The following TENM3 variants were observed in gnomAD, a reference collection of about 807,000 sequenced individuals.
TENM3 encodes the protein teneurin transmembrane protein 3.
TENM3 carries 63 observed loss-of-function variants against 255.1 expected under a neutral mutation model. The ratio of observed to expected loss-of-function variants is 0.25; its 90% CI spans 0.20 to 0.30. The LOEUF is 0.30. TENM3 is among the 10% of genes least tolerant of loss of function. The pLI is 1.00. For synonymous variants in TENM3, 1,306 were observed against 1,322.3 expected, an observed-to-expected ratio of 0.99 and a Z score of 0.27; for missense variants, 2,929 against 3,461.1, an observed-to-expected ratio of 0.85 and a Z score of 3.86.
At chr4:182,718,176 T>TA (rs565679903) in intron 13 of TENM3, among the ~76,000 whole-genome samples, 6,246 of 148,118 alleles carry the variant, frequency 0.042, 197 homozygotes, top group Non-Finnish European at 0.065. Context: ...TTATTACACG[T>TA]AAAAAAAAAA....
chr4:182,692,577 G>A (rs1388348253), intron 12 of TENM3, among the ~76,000 whole-genome samples: 3 of 152,204 alleles, frequency 2.0e-5, no homozygotes, highest in Non-Finnish European at 4.4e-5. Flanking sequence ...AGACAGGCAA[G>A]TTGTCTTCTG....
the TENM3 span, among the ~76,000 whole-genome samples, chr4:181,592,253 A>G: frequency 3.4e-5 from 5 of 148,864 alleles, no homozygotes; most frequent in Non-Finnish European, 7.5e-5. Context: ...CTGTTTAAAC[A>G]CAAACACACA....
intron 6 of TENM3, among the ~76,000 whole-genome samples, chr4:182,668,679 G>T (rs1044922030): frequency 1.3e-5 from 2 of 152,102 alleles, no homozygotes; most frequent in African/African-American, 4.8e-5. Context: ...GCGACACAAC[G>T]ATGTATTCAC....
intron 3 of TENM3, among the ~76,000 whole-genome samples, chr4:182,373,356 TA>T (rs1766972033): frequency 6.6e-6 from 1 of 152,268 alleles, no homozygotes; most frequent in Non-Finnish European, 1.5e-5. Flanking sequence ...TGAGGCTGGG[TA>T]ATTTATAACG....
the TENM3 span, among the ~76,000 whole-genome samples, chr4:181,706,308 C>T: frequency 6.6e-6 from 1 of 152,136 alleles, no homozygotes; most frequent in Non-Finnish European, 1.5e-5. Context: ...GCCTCCAAAT[C>T]TCCAAATCCC....
In TENM3 at chr4:182,784,638, C is replaced by T. The variant is rs1234555583; in HGVS notation, c.5305-4455C>T. Reference sequence around the variant, plus strand: ...CTAAGCAAGCCTGGGCAATGGCGGGCGCCCCTCCCCAAGCCTCGCTGCCGC... The same window carrying T: ...CTAAGCAAGCCTGGGCAATGGCGGGTGCCCCTCCCCAAGCCTCGCTGCCGC... On this transcript the variant is annotated intron_variant, in intron 24 of 27. Coordinates refer to ENST00000511685, the MANE Select transcript of TENM3 (RefSeq NM_001080477.4). 2.2e-4 allele frequency among the ~76,000 whole-genome samples: 33 copies of T among 151,046 alleles called. No individual in the cohort carries two copies. In the East Asian group the frequency reaches 3.9e-3, roughly 18 times the overall value.
At chr4:182,661,192 ATTTTTTTTTT>A (rs35208231) in intron 6 of TENM3, among the ~76,000 whole-genome samples, 1 of 88,600 alleles carries the variant, frequency 1.1e-5, no homozygotes, top group African/African-American at 4.6e-5. Flanking sequence ...TTAAATTTTA[ATTTTTTTTTT>A]TTTTTTTTTT....
the TENM3 span, among the ~76,000 whole-genome samples, chr4:181,471,853 A>C: frequency 6.6e-6 from 1 of 152,160 alleles, no homozygotes; most frequent in Non-Finnish European, 1.5e-5. Context: ...AGACCCAAAG[A>C]CCCAGAAATA....
At chr4:181,879,482 A>T in the TENM3 span, among the ~76,000 whole-genome samples, 1 of 152,172 alleles carries the variant, frequency 6.6e-6, no homozygotes, top group Non-Finnish European at 1.5e-5. Context: ...GGTAGAACTG[A>T]CAGAAGCAGT....
At chr4:182,002,577 A>G in the TENM3 span, among the ~76,000 whole-genome samples, 11 of 152,066 alleles carry the variant, frequency 7.2e-5, no homozygotes, top group African/African-American at 2.7e-4. Context: ...CCGTCCAATA[A>G]GACCAGGTTC....
At chr4:182,079,205 C>G in the TENM3 span, among the ~76,000 whole-genome samples, 1 of 152,080 alleles carries the variant, frequency 6.6e-6, no homozygotes, top group Non-Finnish European at 1.5e-5. Flanking sequence ...ATATTAGGTG[C>G]TAGAATACCA....
chr4:182,057,308 G>A, the TENM3 span, among the ~76,000 whole-genome samples: 1 of 149,746 alleles, frequency 6.7e-6, no homozygotes, highest in African/African-American at 2.5e-5. Flanking sequence ...GAGAGAGAGA[G>A]AGAAATTATA....
intron 3 of TENM3, chr4:182,448,988 A>G (rs1580581678): frequency 2.5e-6 from 1 of 399,606 alleles, no homozygotes. Context: ...CCGAGCCCGG[A>G]GCCAGGCGCT....
chr4:182,773,018 TA>T (rs1201337067), intron 22 of TENM3, among the ~76,000 whole-genome samples: 3 of 152,238 alleles, frequency 2.0e-5, no homozygotes, highest in Non-Finnish European at 2.9e-5. Context: ...AAGGATTTTT[TA>T]CATATGCAAA....
At chr4:182,100,386 C>T in the TENM3 span, among the ~76,000 whole-genome samples, 1 of 148,894 alleles carries the variant, frequency 6.7e-6, no homozygotes, top group Non-Finnish European at 1.5e-5. Context: ...AAGGTCACTT[C>T]AGGCCAGGAG....
intron 22 of TENM3, among the ~76,000 whole-genome samples, chr4:182,764,498 G>A (rs1376003593): frequency 6.6e-6 from 1 of 152,148 alleles, no homozygotes; most frequent in Non-Finnish European, 1.5e-5. Flanking sequence ...TTGAGAACTG[G>A]GGACAGGATG....
At chr4:181,866,000 T>A in the TENM3 span, among the ~76,000 whole-genome samples, 1 of 152,230 alleles carries the variant, frequency 6.6e-6, no homozygotes, top group Non-Finnish European at 1.5e-5. Flanking sequence ...ATTCATTTTC[T>A]TTAAATCCAT....
the TENM3 span, among the ~76,000 whole-genome samples, chr4:181,802,920 G>T: frequency 1.3e-5 from 2 of 152,062 alleles, no homozygotes; most frequent in East Asian, 3.9e-4. Context: ...CATTTGGGGG[G>T]TTTTATTTTT....
intron 1 of TENM3, among the ~76,000 whole-genome samples, chr4:182,214,955 T>C (rs1288857490): frequency 6.6e-6 from 1 of 152,208 alleles, no homozygotes; most frequent in Non-Finnish European, 1.5e-5. Flanking sequence ...AATTTTCTAT[T>C]CTAACACCCT....
Sources: allele counts gnomAD v4.1 joint callset (sites outside exome capture counted in the v4.1 genomes callset), GRCh38; gene constraint gnomAD v4.1.1; transcripts MANE v1.5; gene names NCBI Gene and HGNC (gene_info 2026-07-23, HGNC 2026-07-21).